Variants in FGGY observed in about 807,000 individuals in gnomAD.
The protein encoded by FGGY is FGGY carbohydrate kinase domain containing.
FGGY carries 72 observed loss-of-function variants against 71.3 expected under a neutral mutation model. That is an observed-to-expected ratio of 1.01 (90% confidence interval 0.84 to 1.23). FGGY has a LOEUF of 1.23. FGGY is among the 50% of genes most tolerant of loss of function. The pLI, the probability that FGGY is intolerant of heterozygous loss-of-function variation, is 0.00. For missense variants in FGGY, 668 were observed against 682.3 expected (o/e 0.98, Z 0.23); for synonymous variants, 251 against 250.3 (o/e 1.00, Z -0.02).
At chr1:59,536,344 A>G (rs1297155273) in intron 7 of FGGY, among the ~76,000 whole-genome samples, 1 of 152,218 alleles carries the variant, frequency 6.6e-6, no homozygotes, top group Non-Finnish European at 1.5e-5. Flanking sequence ...TCAATAGCTT[A>G]CCAACCAAAA....
At chr1:59,564,896 A>G (rs907870776) in intron 8 of FGGY, among the ~76,000 whole-genome samples, 1 of 152,178 alleles carries the variant, frequency 6.6e-6, no homozygotes, top group Non-Finnish European at 1.5e-5. Context: ...TCTATCTATC[A>G]GATGGCCTGA....
intron 1 of FGGY, among the ~76,000 whole-genome samples, chr1:59,312,282 A>AT (rs1184056610): frequency 1.3e-5 from 2 of 152,014 alleles, no homozygotes; most frequent in African/African-American, 4.8e-5. Flanking sequence ...CAATTTTGGC[A>AT]TTTTTTTGCA....
chr1:59,427,107 G>A (rs886272299), intron 5 of FGGY, among the ~76,000 whole-genome samples: 3 of 152,128 alleles, frequency 2.0e-5, no homozygotes, highest in East Asian at 1.9e-4. Flanking sequence ...ACACAAAAAA[G>A]GTTTTCAATT....
intron 2 of FGGY, among the ~76,000 whole-genome samples, chr1:59,327,467 A>G (rs114691957): frequency 0.019 from 2,939 of 152,244 alleles, 106 homozygotes; most frequent in African/African-American, 0.068. Context: ...TTCTAATTCT[A>G]GTTCGTTTGG....
chr1:59,596,856 A>G (rs2096530273), intron 8 of FGGY, among the ~76,000 whole-genome samples: 1 of 152,174 alleles, frequency 6.6e-6, no homozygotes, highest in Admixed American at 6.5e-5. Context: ...GTAGGCTTTC[A>G]GACCCTCTCT....
intron 8 of FGGY, among the ~76,000 whole-genome samples, chr1:59,603,899 G>A (rs946915981): frequency 6.6e-6 from 1 of 152,114 alleles, no homozygotes; most frequent in African/African-American, 2.4e-5. Context: ...ACTATAATTT[G>A]GCAGAGACAA....
At position 59,578,374 on chromosome 1, in the gene FGGY, G is replaced by A. The variant is rs563557681; in HGVS notation, c.903+24147G>A. ...AATGAAGCCAGATAACAACGTATAT[G>A]CATCAAGTGAGACCTTCCCCAGGCA... is the stretch of plus-strand genomic sequence containing the variant. On this transcript the variant is annotated intron_variant, in intron 8 of 15. Coordinates refer to ENST00000303721, the MANE Select transcript of FGGY (RefSeq NM_018291.5). Among the ~76,000 whole-genome samples the A allele has an allele frequency of 6.6e-5, 10 of 152,126 alleles. No homozygotes were observed. In the South Asian group the frequency reaches 2.1e-3, roughly 32 times the overall value.
intron 6 of FGGY, among the ~76,000 whole-genome samples, chr1:59,490,995 C>CTTTCCTTTCCTTTCCTTTCCT (rs377452118): frequency 2.6e-5 from 1 of 38,458 alleles, no homozygotes; most frequent in Non-Finnish European, 4.9e-5. Context: ...TGCTTGCTTG[C>CTTTCCTTTCCTTTCCTTTCCT]TTCCTTTCCT....
chr1:59,333,575 C>A (rs545606185), intron 2 of FGGY, among the ~76,000 whole-genome samples: 1 of 152,166 alleles, frequency 6.6e-6, no homozygotes, highest in African/African-American at 2.4e-5. Flanking sequence ...CCCCCAAAGT[C>A]GCTGATTTAA....
At chr1:59,586,688 C>T (rs1234898972) in intron 8 of FGGY, among the ~76,000 whole-genome samples, 2 of 152,048 alleles carry the variant, frequency 1.3e-5, no homozygotes, top group East Asian at 3.9e-4. Context: ...GTGAAATGAG[C>T]AGGCTTGGGC....
chr1:59,305,726 C>A (rs1039653288), intron 1 of FGGY, among the ~76,000 whole-genome samples: 11 of 152,184 alleles, frequency 7.2e-5, no homozygotes, highest in African/African-American at 2.7e-4. Context: ...ATGAATAGAA[C>A]TATTCCTGGC....
intron 9 of FGGY, among the ~76,000 whole-genome samples, chr1:59,611,243 C>A (rs1160311316): frequency 6.6e-6 from 1 of 152,152 alleles, no homozygotes; most frequent in Non-Finnish European, 1.5e-5. Flanking sequence ...CCCTCAGTAG[C>A]CTAACTGGGA....
intron 11 of FGGY, among the ~76,000 whole-genome samples, chr1:59,654,404 A>G (rs930431947): frequency 2.6e-5 from 4 of 152,172 alleles, no homozygotes; most frequent in African/African-American, 9.7e-5. Context: ...TGTTCTGGAA[A>G]GCTTTCAGTG....
At chr1:59,595,604 C>A (rs1441988782) in intron 8 of FGGY, among the ~76,000 whole-genome samples, 1 of 152,112 alleles carries the variant, frequency 6.6e-6, no homozygotes, top group East Asian at 1.9e-4. Context: ...GCAGAAGAAT[C>A]CTTTGAACCC....
intron 6 of FGGY, among the ~76,000 whole-genome samples, chr1:59,509,678 C>G (rs748402181): frequency 2.0e-5 from 3 of 152,184 alleles, no homozygotes; most frequent in Non-Finnish European, 4.4e-5. Flanking sequence ...GATGAAGCTC[C>G]CTGTGGTCCT....
intron 3 of FGGY, among the ~76,000 whole-genome samples, chr1:59,341,649 G>GCGCTGTTCATTGGCTCAGTTGT (rs1486257563): frequency 1.3e-5 from 2 of 152,078 alleles, no homozygotes; most frequent in Non-Finnish European, 2.9e-5. Context: ...GGCTCAGTTG[G>GCGCTGTTCATTGGCTCAGTTGT]CACTGTTCTG....
chr1:59,460,621 G>A (rs762280605), intron 6 of FGGY, among the ~76,000 whole-genome samples: 3 of 152,182 alleles, frequency 2.0e-5, no homozygotes, highest in Non-Finnish European at 2.9e-5. Context: ...CCTCACCCCC[G>A]TGTAGCCTAA....
At chr1:59,510,040 CTTTT>C (rs10608143) in intron 6 of FGGY, among the ~76,000 whole-genome samples, 15 of 139,952 alleles carry the variant, frequency 1.1e-4, no homozygotes, top group African/African-American at 2.8e-4. Context: ...TTTCTTTTTT[CTTTT>C]TTTTTTTTTT....
At chr1:59,468,193 G>A (rs1321266037) in intron 6 of FGGY, among the ~76,000 whole-genome samples, 5 of 152,088 alleles carry the variant, frequency 3.3e-5, no homozygotes, top group African/African-American at 7.2e-5. Context: ...ATAAGTCACC[G>A]CGCCCGACTG....
Sources: gnomAD v4.1 joint callset for allele counts (sites outside exome capture counted in the v4.1 genomes callset) on GRCh38, gnomAD v4.1.1 for gene constraint, MANE v1.5 for transcripts, NCBI Gene and HGNC (gene_info 2026-07-23, HGNC 2026-07-21) for gene names.